Variants in DOK6 observed in about 807,000 individuals in gnomAD.
DOK6 encodes the protein downstream of tyrosine kinase 6.
In DOK6, 22 loss-of-function variants were observed where a neutral mutation model predicts 44.0. The ratio of observed to expected loss-of-function variants is 0.50; its 90% confidence interval spans 0.36 to 0.71. The LOEUF (loss-of-function observed/expected upper bound fraction) is 0.71. Ranked by LOEUF, DOK6 falls within the 30% of genes least tolerant of loss-of-function variation. The pLI is 0.00. For synonymous variants in DOK6, 166 were observed against 145.5 expected (o/e 1.14, Z -1.01); for missense variants, 340 against 416.4 (o/e 0.82, Z 1.60).
chr18:69,789,241 T>C (rs934665215), intron 7 of DOK6, among the ~76,000 whole-genome samples: 1 of 152,194 alleles, frequency 6.6e-6, no homozygotes, highest in Non-Finnish European at 1.5e-5. Context: ...TATTAAATAT[T>C]TGTTAAATAA....
chr18:69,676,095 T>C (rs923439400), intron 3 of DOK6, among the ~76,000 whole-genome samples: 5 of 152,206 alleles, frequency 3.3e-5, no homozygotes, highest in Non-Finnish European at 7.4e-5. Flanking sequence ...AACCAGGCCC[T>C]CTTGAAAATC....
chr18:69,634,472 C>T (rs555121527), intron 3 of DOK6, among the ~76,000 whole-genome samples: 1 of 152,300 alleles, frequency 6.6e-6, no homozygotes, highest in South Asian at 2.1e-4. Context: ...GTTGTGACTT[C>T]AGCATGTCAT....
chr18:69,681,097 T>C (rs1986033866), intron 4 of DOK6, among the ~76,000 whole-genome samples: 1 of 152,246 alleles, frequency 6.6e-6, no homozygotes, highest in African/African-American at 2.4e-5. Flanking sequence ...TTAAATTATA[T>C]AGCTGAATCT....
intron 7 of DOK6, among the ~76,000 whole-genome samples, chr18:69,814,461 GA>G (rs1483901125): frequency 1.3e-5 from 2 of 152,062 alleles, no homozygotes; most frequent in Non-Finnish European, 2.9e-5. Context: ...TTCTCATAAG[GA>G]ACACACAATC....
intron 1 of DOK6, among the ~76,000 whole-genome samples, chr18:69,535,495 C>A (rs1463675040): frequency 6.6e-6 from 1 of 151,706 alleles, no homozygotes; most frequent in Non-Finnish European, 1.5e-5. Context: ...TTTTAAAAAA[C>A]CTTTTCAACC....
chr18:69,673,370 AG>A (rs1233292945), intron 3 of DOK6, among the ~76,000 whole-genome samples: 5 of 152,244 alleles, frequency 3.3e-5, no homozygotes, highest in Non-Finnish European at 7.3e-5. Flanking sequence ...CTTAGTCAAT[AG>A]GCATTTATTA....
chr18:69,540,900 T>C (rs1035318288), intron 1 of DOK6, among the ~76,000 whole-genome samples: 1 of 152,208 alleles, frequency 6.6e-6, no homozygotes, highest in Non-Finnish European at 1.5e-5. Context: ...ACATTTCTAC[T>C]ACCACACAAA....
At chr18:69,759,489 AG>A (rs1301153047) in intron 7 of DOK6, among the ~76,000 whole-genome samples, 1 of 152,234 alleles carries the variant, frequency 6.6e-6, no homozygotes, top group East Asian at 1.9e-4. Flanking sequence ...GGAATAGGTC[AG>A]AAGTAGTATA....
At chr18:69,795,856 A>G (rs1006351335) in intron 7 of DOK6, among the ~76,000 whole-genome samples, 2 of 152,198 alleles carry the variant, frequency 1.3e-5, no homozygotes, top group African/African-American at 4.8e-5. Context: ...AAACAACTCT[A>G]TGTGTCTGTT....
intron 1 of DOK6, among the ~76,000 whole-genome samples, chr18:69,516,244 T>A (rs1198907275): frequency 6.6e-6 from 1 of 152,172 alleles, no homozygotes; most frequent in Non-Finnish European, 1.5e-5. Context: ...AAGAAGATCC[T>A]TTTTTAGAAT....
intron 1 of DOK6, among the ~76,000 whole-genome samples, chr18:69,428,903 T>A (rs958392199): frequency 2.0e-5 from 3 of 152,252 alleles, no homozygotes; most frequent in African/African-American, 7.2e-5. Context: ...CATTCATGTT[T>A]ATTAGTGTTT....
chr18:69,516,502 A>G (rs1981527531), intron 1 of DOK6, among the ~76,000 whole-genome samples: 1 of 152,184 alleles, frequency 6.6e-6, no homozygotes, highest in African/African-American at 2.4e-5. Context: ...TAAACGAAAC[A>G]CTTCATTTGC....
At chr18:69,472,990 G>GT (rs1224480016) in intron 1 of DOK6, among the ~76,000 whole-genome samples, 2 of 152,072 alleles carry the variant, frequency 1.3e-5, no homozygotes, top group Non-Finnish European at 2.9e-5. Context: ...AGCTTCCCTT[G>GT]TTTCATAGCA....
At chr18:69,758,116 G>T (rs559306390) in intron 7 of DOK6, among the ~76,000 whole-genome samples, 17 of 152,346 alleles carry the variant, frequency 1.1e-4, no homozygotes, top group African/African-American at 4.1e-4. Context: ...TTTGGCACGA[G>T]AACTTGACTA....
intron 1 of DOK6, among the ~76,000 whole-genome samples, chr18:69,517,330 A>T (rs1286250399): frequency 6.6e-6 from 1 of 152,174 alleles, no homozygotes; most frequent in Non-Finnish European, 1.5e-5. Flanking sequence ...TAGGGGAAAA[A>T]AAAACATTGT....
intron 7 of DOK6, among the ~76,000 whole-genome samples, chr18:69,774,139 T>TATATATATAG (rs1979986055): frequency 1.7e-5 from 2 of 119,860 alleles, no homozygotes; most frequent in African/African-American, 3.6e-5. Context: ...ATGAGATATA[T>TATATATATAG]ATATATATAT....
intron 7 of DOK6, among the ~76,000 whole-genome samples, chr18:69,758,675 C>CA (rs1979441428): frequency 6.6e-6 from 1 of 152,192 alleles, no homozygotes; most frequent in African/African-American, 2.4e-5. Context: ...GAAACACACA[C>CA]AGCCAAGAGC....
chr18:69,635,015 C>T (rs532409571), intron 3 of DOK6, among the ~76,000 whole-genome samples: 45 of 152,328 alleles, frequency 3.0e-4, no homozygotes, highest in African/African-American at 1.1e-3. Context: ...CCAGGCACAC[C>T]TGTTTCTTAT....
intron 1 of DOK6, among the ~76,000 whole-genome samples, chr18:69,524,955 A>G (rs1981788845): frequency 6.6e-6 from 1 of 150,416 alleles, no homozygotes; most frequent in African/African-American, 2.4e-5. Flanking sequence ...TCTTTTAATA[A>G]ATGGATATTA....
Sources: gnomAD v4.1 joint callset for allele counts (sites outside exome capture counted in the v4.1 genomes callset) on GRCh38, gnomAD v4.1.1 for gene constraint, MANE v1.5 for transcripts, NCBI Gene and HGNC (gene_info 2026-07-23, HGNC 2026-07-21) for gene names.